Variants in FHL1 observed in about 807,000 individuals in gnomAD.
FHL1 encodes four and a half LIM domains protein 1.
Under a neutral mutation model 20.3 loss-of-function variants are expected in FHL1, and 1 was observed. The observed-to-expected ratio is 0.05, with a 90% CI of 0.02 to 0.23. FHL1 has a LOEUF of 0.23. Ranked by LOEUF, FHL1 falls within the 10% of genes least tolerant of loss-of-function variation. FHL1 has a pLI of 1.00. For synonymous variants in FHL1, 82 were observed against 88.9 expected (o/e 0.92, Z 0.44); for missense variants, 177 against 234.0 (o/e 0.76, Z 1.59).
intron 1 of FHL1, among the ~76,000 whole-genome samples, chrX:136,152,707 T>C (rs1161696661): frequency 1.3e-5 from 1 of 74,951 alleles, no homozygotes; most frequent in Non-Finnish European, 2.4e-5. Context: ...GCGACAGAGC[T>C]AGACTCCATC....
chrX:136,160,370 G>A (rs2072533252), intron 1 of FHL1, among the ~76,000 whole-genome samples: 1 of 112,167 alleles, frequency 8.9e-6, no homozygotes, highest in African/African-American at 3.2e-5. Context: ...GTGATTATCT[G>A]AAAAATACCA....
In FHL1 at chrX:136,207,821, G is replaced by T; in HGVS notation, c.409G>T (p.Val137Phe). The change falls in exon 4 of 6, where the codon GTC becomes TTC. Residue 137 changes from valine to phenylalanine, a missense_variant. Transcript: ENST00000370683. The stretch of plus-strand genomic sequence containing the variant: ...TCAAAACGTGGAGTACAAGGGGACC[G>T]TCTGGCACAAAGACTGCTTCACCTG... The part of the protein sequence containing the change: ...GDQNVEYKGT[V>F]WHKDCFTCSN... 8.3e-7 allele frequency: 1 copy of T among 1,211,922 alleles called. No individual in the cohort carries two copies. The highest frequency in any genetic ancestry group is 1.8e-5 in the South Asian group (1 of 56,998).
At chrX:136,186,877 TATATAGATAGATAGATAGATAG>T (rs1438997903) in intron 2 of FHL1, among the ~76,000 whole-genome samples, 10 of 7,510 alleles carry the variant, frequency 1.3e-3, no homozygotes, top group Admixed American at 2.3e-3. Context: ...TATATATATA[TATATAGATAGATAGATAGATAG>T]ATAGATAGAT....
At chrX:136,186,223 C>G (rs907014799) in intron 2 of FHL1, among the ~76,000 whole-genome samples, 9 of 111,054 alleles carry the variant, frequency 8.1e-5, no homozygotes, top group African/African-American at 3.0e-4. Context: ...ATTGGCAAGG[C>G]ATCGTGGGTT....
intron 1 of FHL1, among the ~76,000 whole-genome samples, chrX:136,151,628 G>A (rs1470066158): frequency 2.7e-5 from 3 of 112,065 alleles, no homozygotes; most frequent in Non-Finnish European, 5.6e-5. Context: ...CACGAGAATC[G>A]CTTGGACCCA....
upstream of FHL1, chrX:136,167,801 G>A (rs1299141834): frequency 1.8e-5 from 2 of 110,916 alleles, no homozygotes; most frequent in Non-Finnish European, 3.8e-5. Flanking sequence ...AAAGAGAACC[G>A]GATTCCGTCA....
upstream of FHL1, among the ~76,000 whole-genome samples, chrX:136,195,719 AT>A (rs1219911621): frequency 8.9e-6 from 1 of 112,057 alleles, no homozygotes; most frequent in Non-Finnish European, 1.9e-5. Context: ...TTCATGGAGC[AT>A]TTACTGCTCA....
intron 1 of FHL1, among the ~76,000 whole-genome samples, chrX:136,203,807 A>G (rs1204650229): frequency 8.9e-6 from 1 of 112,310 alleles, no homozygotes; most frequent in Non-Finnish European, 1.9e-5. Context: ...TCTAAATGGC[A>G]TTCATTGTGT....
chrX:136,206,683 C>T lies in FHL1; in HGVS notation c.204+95C>T. On this transcript the variant is annotated intron_variant, in intron 2 of 5. Coordinates refer to ENST00000370683, the MANE Select transcript of FHL1 (RefSeq NM_001159699.2). The stretch of plus-strand genomic sequence containing the variant: ...AGCAGCAGCTGGCTGTTAGGATTTC[C>T]CAGCATCACTGCAGCCACCTTGAGG... 4 of 1,087,165 alleles carry T rather than the reference C, an allele frequency of 3.7e-6. No individual in the cohort carries two copies. In the South Asian group the frequency reaches 7.4e-5, roughly 20 times the overall value. 89.6% of individuals were successfully genotyped at this position (1,087,165 alleles called of 1,213,427 possible).
chrX:136,165,245 T>A (rs1478505598), upstream of FHL1, among the ~76,000 whole-genome samples: 3 of 111,996 alleles, frequency 2.7e-5, no homozygotes, highest in Non-Finnish European at 3.8e-5. Context: ...GTTGGAATTA[T>A]TAAAAATGAG....
intron 1 of FHL1, among the ~76,000 whole-genome samples, chrX:136,157,024 G>A: frequency 9.1e-6 from 1 of 110,108 alleles, no homozygotes; most frequent in African/African-American, 3.3e-5. Context: ...CACATAGGCA[G>A]ACCTGCAAAT....
chrX:136,183,104 A>AC (rs1431955993), intron 2 of FHL1, among the ~76,000 whole-genome samples: 2 of 101,233 alleles, frequency 2.0e-5, no homozygotes, highest in Non-Finnish European at 4.2e-5. Flanking sequence ...CAAAAAAAAA[A>AC]AAAACAAAAA....
rs57415507 is a variant in FHL1 at position 136,197,519 on chromosome X, G to A, written c.22+385G>A. On this transcript the variant is annotated intron_variant, in intron 1 of 5. Transcript: ENST00000370683. ...CAGTGCTTTACATCCAAGGTGTTTG[G>A]AGAAGGTAAATCGAATGTGGAGCTG... 5.2e-4 allele frequency among the ~76,000 whole-genome samples: 58 copies of A among 111,881 alleles called. No individual in the cohort carries two copies. The East Asian group carries it at 0.016, about 31-fold the overall frequency.
In FHL1 at chrX:136,185,675, G is replaced by A. The variant is rs960314244; in HGVS notation, c.-27+15695G>A. Among the ~76,000 whole-genome samples the A allele has an allele frequency of 6.3e-5, 7 of 111,871 alleles. No individual in the cohort carries two copies. The South Asian group carries it at 2.6e-3, about 42-fold the overall frequency. On this transcript the variant is annotated intron_variant, in intron 2 of 6. Transcript: ENST00000394153. ...GTGACCTTTAAGAAAACAAGTGCCCGTTTCAGAAAAGACTGACCTTTGAGG... is the reference window on the plus strand; with the variant it reads ...GTGACCTTTAAGAAAACAAGTGCCCATTTCAGAAAAGACTGACCTTTGAGG...
chrX:136,170,261 G>A (rs2072826645), intron 2 of FHL1, among the ~76,000 whole-genome samples: 1 of 112,019 alleles, frequency 8.9e-6, no homozygotes, highest in African/African-American at 3.2e-5. Flanking sequence ...GTAAAGATCT[G>A]CTCATGTCGT....
chrX:136,204,813 ACT>A (rs1329417710), intron 1 of FHL1: 1 of 111,092 alleles, frequency 9.0e-6, no homozygotes, highest in Admixed American at 9.6e-5. Context: ...TCCTTAGCTC[ACT>A]CTCTGCTGTT....
At position 136,158,423 on chromosome X, in the gene FHL1, C is replaced by T. The variant is rs189670016; in HGVS notation, c.-101+10795C>T. The stretch of plus-strand genomic sequence containing the variant: ...CTGTTGCTATTACTTCGGCATGCGT[C>T]GTCTCCTCTTGCCACTCTCGATTTC... On this transcript the variant is annotated intron_variant, in intron 1 of 7. Coordinates refer to the FHL1 transcript ENST00000394155. 4.0e-4 allele frequency among the ~76,000 whole-genome samples: 45 copies of T among 111,886 alleles called. No homozygotes were observed. In the East Asian group the frequency reaches 0.011, roughly 29 times the overall value.
intron 1 of FHL1, among the ~76,000 whole-genome samples, chrX:136,156,093 A>T (rs1433445833): frequency 1.8e-5 from 2 of 110,826 alleles, no homozygotes; most frequent in South Asian, 3.8e-4. Flanking sequence ...TCATTTTTGA[A>T]CTACTATAGA....
chrX:136,177,703 C>G (rs1239639359), intron 2 of FHL1, among the ~76,000 whole-genome samples: 2 of 111,888 alleles, frequency 1.8e-5, no homozygotes, highest in African/African-American at 6.5e-5. Context: ...TCCTTACTCC[C>G]CAAGTATAAA....
Sources: allele counts gnomAD v4.1 joint callset (sites outside exome capture counted in the v4.1 genomes callset), GRCh38; gene constraint gnomAD v4.1.1; transcripts MANE v1.5; gene names NCBI Gene and HGNC (gene_info 2026-07-23, HGNC 2026-07-21).